HEG1: variants seen among roughly 807,000 people sequenced by gnomAD.
HEG1 encodes protein HEG homolog 1.
Under a neutral mutation model 125.6 loss-of-function variants are expected in HEG1, and 56 were observed. The observed-to-expected ratio is 0.45, with a 90% CI of 0.36 to 0.56. The LOEUF is 0.56. HEG1 is among the 20% of genes least tolerant of loss of function. HEG1 has a pLI of 0.00. For synonymous variants in HEG1, 644 were observed against 668.5 expected (o/e 0.96, Z 0.57); for missense variants, 1,523 against 1,670.0 (o/e 0.91, Z 1.53).
intron 12 of HEG1, among the ~76,000 whole-genome samples, chr3:124,993,580 TA>T (rs1936867234): frequency 1.3e-5 from 2 of 152,326 alleles, no homozygotes; most frequent in South Asian, 4.1e-4. Context: ...CATGGATGGC[TA>T]ACGCTGCGGG....
At chr3:125,045,175 C>T (rs1316251004) in intron 1 of HEG1, among the ~76,000 whole-genome samples, 3 of 152,160 alleles carry the variant, frequency 2.0e-5, no homozygotes, top group Non-Finnish European at 4.4e-5. Context: ...CTCACTAAAC[C>T]TGTGCGAATG....
At chr3:124,974,242 T>C (rs1936496131) in intron 15 of HEG1, among the ~76,000 whole-genome samples, 1 of 151,802 alleles carries the variant, frequency 6.6e-6, no homozygotes, top group African/African-American at 2.4e-5. Context: ...AAAACAAGGG[T>C]CATAAATTCA....
rs766273601 is a variant in HEG1, at chr3:124,965,899, C to A, written c.*4753G>T. The stretch of plus-strand genomic sequence containing the variant: ...TCATAATGGGTTTAACACAATCAAC[C>A]AGGGGCTAAGGTTTAAAGGTTTACA... On this transcript the variant is annotated 3_prime_UTR_variant, in exon 17 of 17. Coordinates refer to ENST00000311127, the MANE Select transcript of HEG1 (RefSeq NM_020733.2). The A allele has an allele frequency of 1.3e-5, 2 of 152,002 alleles. No individual in the cohort carries two copies. The highest frequency in any genetic ancestry group is 1.3e-4 in the Admixed American group (2 of 15,260). 9.4% of individuals were successfully genotyped at this position (152,002 alleles called of 1,614,324 possible).
intron 5 of HEG1, among the ~76,000 whole-genome samples, chr3:125,016,769 A>G (rs1282506383): frequency 1.3e-5 from 2 of 152,226 alleles, no homozygotes; most frequent in African/African-American, 4.8e-5. Flanking sequence ...AAGAATTTAA[A>G]CCTATTCAAA....
chr3:124,983,230 A>C (rs1289981770), intron 14 of HEG1, among the ~76,000 whole-genome samples: 1 of 152,060 alleles, frequency 6.6e-6, no homozygotes, highest in Non-Finnish European at 1.5e-5. Context: ...ACATTACAGA[A>C]TTTTCTAGGT....
rs1158967043 is a variant in HEG1, at chr3:124,967,999, T to C, written c.*2653A>G. Reference sequence around the variant, plus strand: ...TGCCCCTGCGCCCGGCTCCTCTCTATGGAGGTTTAAGCATCTCTTGAGCAG... The same window carrying C: ...TGCCCCTGCGCCCGGCTCCTCTCTACGGAGGTTTAAGCATCTCTTGAGCAG... On this transcript the variant is annotated 3_prime_UTR_variant, in exon 17 of 17. Transcript: ENST00000311127. 6.6e-6 allele frequency: 1 copy of C among 152,350 alleles called. No homozygotes were observed. Among genetic ancestry groups the C allele is most frequent in the African/African-American group, 2.4e-5 (1 of 41,456 alleles). The allele number at this position is 152,350 out of a possible 1,614,324, so 9.4% of individuals were successfully genotyped here.
intron 14 of HEG1, among the ~76,000 whole-genome samples, chr3:124,987,073 C>T (rs1936750215): frequency 6.6e-6 from 1 of 152,158 alleles, no homozygotes; most frequent in Admixed American, 6.5e-5. Flanking sequence ...GGTGTGGTAG[C>T]TCATGCCTGT....
chr3:124,979,570 T>C (rs116002146), intron 14 of HEG1, among the ~76,000 whole-genome samples: 16 of 152,368 alleles, frequency 1.1e-4, no homozygotes, highest in African/African-American at 3.8e-4. Context: ...ATATTCCTAT[T>C]GATTTTTTGG....
At chr3:125,002,608 T>C (rs1937016889) in intron 9 of HEG1, among the ~76,000 whole-genome samples, 1 of 152,188 alleles carries the variant, frequency 6.6e-6, no homozygotes, top group Non-Finnish European at 1.5e-5. Context: ...AGCAGCTCTC[T>C]TTTAAGGCCC....
At chr3:125,030,941 CT>C (rs1937489970) in intron 1 of HEG1, among the ~76,000 whole-genome samples, 1 of 152,110 alleles carries the variant, frequency 6.6e-6, no homozygotes. Flanking sequence ...TGAGTATGGA[CT>C]GTTACTTGAA....
chr3:124,973,642 T>C (rs376814305), intron 16 of HEG1, 89 bp downstream of exon 16: 15 of 1,035,392 alleles, frequency 1.4e-5, no homozygotes, highest in African/African-American at 1.3e-4. Context: ...CTTAACTAAC[T>C]GTAATGCTTT....
At chr3:125,007,913 CT>C (rs752094859) in intron 8 of HEG1, among the ~76,000 whole-genome samples, 371 of 144,460 alleles carry the variant, frequency 2.6e-3, no homozygotes, top group Middle Eastern at 0.011. Context: ...AAAAGAAATT[CT>C]TTTTTTTTTT....
Position 125,012,984 on chromosome 3 carries a change from A to G in HEG1, c.2595T>C (p.Ser865=). Reference sequence around the variant, plus strand: ...GTACGGCTATAGGGCCAGTGACCAGAGATGCTGTGCTTGACAGGGTGCCAG... The same window carrying G: ...GTACGGCTATAGGGCCAGTGACCAGGGATGCTGTGCTTGACAGGGTGCCAG... ...TTPGTLSSTA[S]LVTGPIAVQT... The change falls in exon 6 of 17, where the codon TCT becomes TCC. Residue 865 remains serine, a synonymous_variant. Transcript: ENST00000311127. 6.2e-7 allele frequency: 1 copy of G among 1,614,018 alleles called. No individual in the cohort carries two copies. Among genetic ancestry groups the G allele is most frequent in the Non-Finnish European group, 8.5e-7 (1 of 1,179,892 alleles).
chr3:124,970,511 C>A lies in HEG1; in HGVS notation c.*141G>T, dbSNP rs758583482. The A allele has an allele frequency of 7.4e-6, 5 of 673,112 alleles. No individual in the cohort carries two copies. The African/African-American group carries it at 9.1e-5, about 12-fold the overall frequency. 41.7% of individuals were successfully genotyped at this position (673,112 alleles called of 1,614,324 possible). On this transcript the variant is annotated 3_prime_UTR_variant, in exon 17 of 17. Transcript: ENST00000311127. ...CCACCTGTCTCCTCCACTGTGGTCA[C>A]GCCCCGCATGCCTGTCCCTCTTCCT...
At chr3:124,994,975 G>A (rs116533811) in intron 12 of HEG1, among the ~76,000 whole-genome samples, 8 of 152,244 alleles carry the variant, frequency 5.3e-5, no homozygotes, top group Non-Finnish European at 7.4e-5. Context: ...AATGGCAGTC[G>A]GATTAAAGAA....
intron 1 of HEG1, among the ~76,000 whole-genome samples, chr3:125,051,564 T>A (rs554042752): frequency 1.9e-4 from 29 of 152,380 alleles, no homozygotes; most frequent in African/African-American, 7.0e-4. Context: ...GGGCTTGTTT[T>A]GAGGATTAAA....
At chr3:125,028,049 A>G (rs531658186) in intron 2 of HEG1, among the ~76,000 whole-genome samples, 1 of 151,522 alleles carries the variant, frequency 6.6e-6, no homozygotes, top group African/African-American at 2.4e-5. Context: ...CTTTACTTTC[A>G]GGCCATCAAC....
At chr3:125,002,926 C>T (rs1937020456) in intron 9 of HEG1, among the ~76,000 whole-genome samples, 2 of 152,186 alleles carry the variant, frequency 1.3e-5, no homozygotes, top group Non-Finnish European at 2.9e-5. Context: ...GCCTGCTTCC[C>T]TGCTACCCTG....
intron 14 of HEG1, among the ~76,000 whole-genome samples, chr3:124,979,056 T>C (rs1936604425): frequency 1.3e-5 from 2 of 152,036 alleles, no homozygotes; most frequent in South Asian, 4.2e-4. Flanking sequence ...TTCAAGCGAT[T>C]CTTCTGCCTC....
Sources: allele counts gnomAD v4.1 joint callset (sites outside exome capture counted in the v4.1 genomes callset), GRCh38; gene constraint gnomAD v4.1.1; transcripts MANE v1.5; gene names NCBI Gene and HGNC (gene_info 2026-07-23, HGNC 2026-07-21).